ZNF385D: variants seen among roughly 807,000 people sequenced by gnomAD.
ZNF385D encodes zinc finger protein 385D, also known as zinc finger protein 659.
In ZNF385D, 15 loss-of-function variants were observed where a neutral mutation model predicts 35.8. That is an observed-to-expected ratio of 0.42 (90% CI 0.28 to 0.64). ZNF385D has a LOEUF of 0.64. ZNF385D is among the 30% of genes least tolerant of loss of function. The pLI, the probability that ZNF385D is intolerant of heterozygous loss-of-function variation, is 0.23. For synonymous variants in ZNF385D, 212 were observed against 186.8 expected, an observed-to-expected ratio of 1.13 and a Z score of -1.10; for missense variants, 474 against 494.6, an observed-to-expected ratio of 0.96 and a Z score of 0.39.
At chr3:21,660,168 G>T in intron 2 of ZNF385D, among the ~76,000 whole-genome samples, 1 of 151,452 alleles carries the variant, frequency 6.6e-6, no homozygotes, top group East Asian at 1.9e-4. Flanking sequence ...CTTTCTCTTT[G>T]CTTTCATGAT....
chr3:22,258,064 G>A (rs1322723885), intron 2 of ZNF385D, among the ~76,000 whole-genome samples: 5 of 151,710 alleles, frequency 3.3e-5, no homozygotes, highest in South Asian at 4.1e-4. Context: ...TCCTACAGAG[G>A]TACAATGAGA....
chr3:21,627,706 T>TC (rs2065174201), intron 2 of ZNF385D, among the ~76,000 whole-genome samples: 2 of 152,136 alleles, frequency 1.3e-5, no homozygotes, highest in African/African-American at 4.8e-5. Context: ...TACATGATTT[T>TC]CCCATGAAAC....
intron 1 of ZNF385D, among the ~76,000 whole-genome samples, chr3:21,745,534 A>C (rs76509454): frequency 1.2e-4 from 19 of 152,320 alleles, no homozygotes; most frequent in Non-Finnish European, 1.2e-4. Flanking sequence ...TTCAAGCATG[A>C]TCTCAACCAC....
At chr3:21,780,001 A>G (rs911291042) in intron 3 of ZNF385D, among the ~76,000 whole-genome samples, 3 of 152,012 alleles carry the variant, frequency 2.0e-5, no homozygotes, top group Admixed American at 1.3e-4. Context: ...ACTGCAAAGA[A>G]TAAAGCAAGA....
chr3:22,289,617 G>C (rs1471786659), intron 2 of ZNF385D, among the ~76,000 whole-genome samples: 1 of 152,140 alleles, frequency 6.6e-6, no homozygotes, highest in African/African-American at 2.4e-5. Flanking sequence ...GATTATAGGA[G>C]GTTTAGGCCT....
intron 3 of ZNF385D, among the ~76,000 whole-genome samples, chr3:22,104,674 C>T (rs1267924322): frequency 6.6e-6 from 1 of 152,110 alleles, no homozygotes; most frequent in African/African-American, 2.4e-5. Context: ...AGTTGTGACT[C>T]TTTCCCTACC....
At chr3:21,891,163 C>A (rs1698840615) in intron 3 of ZNF385D, among the ~76,000 whole-genome samples, 1 of 152,026 alleles carries the variant, frequency 6.6e-6, no homozygotes, top group African/African-American at 2.4e-5. Flanking sequence ...AAGTGTTTAT[C>A]TAATTATTGC....
chr3:21,752,279 C>T (rs868062476), upstream of ZNF385D, among the ~76,000 whole-genome samples: 3 of 152,078 alleles, frequency 2.0e-5, no homozygotes, highest in South Asian at 6.2e-4. Context: ...CGTACTGGAA[C>T]ATTTGAACTT....
chr3:21,997,254 A>G (rs1695521909), intron 3 of ZNF385D, among the ~76,000 whole-genome samples: 1 of 152,188 alleles, frequency 6.6e-6, no homozygotes, highest in Non-Finnish European at 1.5e-5. Flanking sequence ...AAGGACAGAA[A>G]ACCAAATACC....
intron 4 of ZNF385D, among the ~76,000 whole-genome samples, chr3:21,463,955 G>A (rs1703343141): frequency 6.6e-6 from 1 of 151,932 alleles, no homozygotes; most frequent in Non-Finnish European, 1.5e-5. Flanking sequence ...TTATTTATAG[G>A]AGGCTGTATC....
chr3:22,060,790 C>A (rs1390509900), intron 3 of ZNF385D, among the ~76,000 whole-genome samples: 1 of 151,890 alleles, frequency 6.6e-6, no homozygotes, highest in Non-Finnish European at 1.5e-5. Context: ...GCCATCCACG[C>A]AAGGGTTTCT....
At chr3:21,958,711 A>C (rs1254732412) in intron 3 of ZNF385D, 1 of 152,158 alleles carries the variant, frequency 6.6e-6, no homozygotes, top group Non-Finnish European at 1.5e-5. Flanking sequence ...AAAGCTTCAC[A>C]ATTGAAATAA....
chr3:21,447,408 C>T (rs75444554), intron 4 of ZNF385D, among the ~76,000 whole-genome samples: 4,911 of 152,194 alleles, frequency 0.032, 115 homozygotes, highest in Non-Finnish European at 0.051. Flanking sequence ...GTTCCAAGAG[C>T]TTTCAGAGGA....
chr3:22,070,959 G>T (rs1211758078), intron 3 of ZNF385D, among the ~76,000 whole-genome samples: 1 of 152,076 alleles, frequency 6.6e-6, no homozygotes, highest in Non-Finnish European at 1.5e-5. Flanking sequence ...ACCAATATTA[G>T]GAAGAATACG....
intron 3 of ZNF385D, among the ~76,000 whole-genome samples, chr3:22,146,361 A>G (rs9856586): frequency 0.037 from 5,691 of 152,264 alleles, 373 homozygotes; most frequent in African/African-American, 0.13. Flanking sequence ...TACCATCATT[A>G]ACTGCAATAA....
At chr3:21,751,543 C>T (rs1056833232), upstream of ZNF385D, 9 of 702,438 alleles carry the variant, frequency 1.3e-5, no homozygotes, top group African/African-American at 9.7e-5. Context: ...ATTTAACCTC[C>T]TCTACCAAGT....
At chr3:21,701,985 T>C (rs2067703321) in intron 1 of ZNF385D, among the ~76,000 whole-genome samples, 1 of 152,158 alleles carries the variant, frequency 6.6e-6, no homozygotes, top group Non-Finnish European at 1.5e-5. Flanking sequence ...CTGCAGCTTT[T>C]CCAGGTGCAT....
intron 2 of ZNF385D, among the ~76,000 whole-genome samples, chr3:22,283,328 T>C (rs1701864489): frequency 6.6e-6 from 1 of 152,070 alleles, no homozygotes; most frequent in Non-Finnish European, 1.5e-5. Context: ...CTAGAACAAA[T>C]GGACCTAACA....
intron 3 of ZNF385D, among the ~76,000 whole-genome samples, chr3:22,049,400 C>T (rs1056179231): frequency 6.6e-6 from 1 of 151,856 alleles, no homozygotes. Flanking sequence ...TTTATTAGTT[C>T]TAATAGGGTG....
Sources: allele counts gnomAD v4.1 joint callset (sites outside exome capture counted in the v4.1 genomes callset), GRCh38; gene constraint gnomAD v4.1.1; transcripts MANE v1.5; gene names NCBI Gene and HGNC (gene_info 2026-07-23, HGNC 2026-07-21).